AIG1: variants seen among roughly 807,000 people sequenced by gnomAD.
AIG1 encodes androgen-induced gene 1 protein.
In AIG1, 23 loss-of-function variants were observed where a neutral mutation model predicts 31.4. That is an observed-to-expected ratio of 0.73 (90% CI 0.53 to 1.04). The LOEUF (loss-of-function observed/expected upper bound fraction) is 1.04. Ranked by LOEUF, AIG1 falls within the 50% of genes least tolerant of loss-of-function variation. The pLI is 0.00. For synonymous variants in AIG1, 100 were observed against 110.5 expected (o/e 0.90, Z 0.60); for missense variants, 274 against 295.0 (o/e 0.93, Z 0.52).
In AIG1 at chr6:143,326,205, G is replaced by A. The variant is rs751342708; in HGVS notation, c.516-7077G>A. On this transcript the variant is annotated intron_variant, in intron 4 of 5. Coordinates refer to ENST00000357847, the MANE Select transcript of AIG1 (RefSeq NM_016108.4). This position sits in a 1 kb window ranked among gnomAD's most constrained non-coding sequence, Gnocchi z 4.5. ...AGACTTTATATTTGCACACTAGGACGGAGTCTACAATTCTTACCATGGCTT... is the reference window on the plus strand; with the variant it reads ...AGACTTTATATTTGCACACTAGGACAGAGTCTACAATTCTTACCATGGCTT... 3.3e-5 allele frequency among the ~76,000 whole-genome samples: 5 copies of A among 152,092 alleles called. No homozygotes were observed. The highest frequency in any genetic ancestry group is 4.8e-5 in the African/African-American group (2 of 41,420).
Position 143,327,639 on chromosome 6 carries a change from A to G in AIG1, c.516-5643A>G, listed in dbSNP as rs1034726138. On this transcript the variant is annotated intron_variant, in intron 4 of 5. Transcript: ENST00000357847. The surrounding 1 kb of genome is among the most constrained non-coding windows in gnomAD (Gnocchi z 5.3). ...ACTTTCAAAAATCTGCAGATAGTCA[A>G]TGTGGATGAGAACTAACTGCTGATT... The G allele has an allele frequency of 2.2e-5, 6 of 273,602 alleles. No homozygotes were observed. The highest frequency in any genetic ancestry group is 4.3e-5 in the South Asian group (1 of 23,472). 16.9% of individuals were successfully genotyped at this position (273,602 alleles called of 1,614,324 possible).
intron 3 of AIG1, among the ~76,000 whole-genome samples, chr6:143,242,238 A>G (rs1794290884): frequency 6.6e-6 from 1 of 152,236 alleles, no homozygotes; most frequent in Non-Finnish European, 1.5e-5. Flanking sequence ...CACTGGCAAG[A>G]GAAAACAAAC....
At chr6:143,107,375 CAGATA>C (rs889148984) in intron 1 of AIG1, among the ~76,000 whole-genome samples, 4 of 152,126 alleles carry the variant, frequency 2.6e-5, no homozygotes, top group African/African-American at 9.7e-5. Flanking sequence ...TTTATTTAGA[CAGATA>C]AAAGTCTCCA....
intron 1 of AIG1, among the ~76,000 whole-genome samples, chr6:143,111,519 T>G (rs954962775): frequency 1.3e-5 from 2 of 152,210 alleles, no homozygotes; most frequent in African/African-American, 4.8e-5. Context: ...ACTCATTGCT[T>G]CTTCATTGTG....
At chr6:143,277,207 C>T (rs1366520654) in intron 3 of AIG1, among the ~76,000 whole-genome samples, 1 of 152,062 alleles carries the variant, frequency 6.6e-6, no homozygotes, top group African/African-American at 2.4e-5. Context: ...TTTTAATACC[C>T]TTTTGTTCTA....
intron 3 of AIG1, among the ~76,000 whole-genome samples, chr6:143,250,260 C>T (rs1419639119): frequency 6.6e-6 from 1 of 152,200 alleles, no homozygotes; most frequent in Non-Finnish European, 1.5e-5. Context: ...TATTCCACAC[C>T]TTTCTTCTGT....
intron 3 of AIG1, among the ~76,000 whole-genome samples, chr6:143,193,415 C>A (rs532285500): frequency 1.3e-4 from 20 of 152,250 alleles, no homozygotes; most frequent in African/African-American, 4.6e-4. Flanking sequence ...TGCAAGCTAC[C>A]TTGACCTTTT....
chr6:143,318,819 C>G (rs185690122), intron 4 of AIG1, among the ~76,000 whole-genome samples: 3 of 151,380 alleles, frequency 2.0e-5, no homozygotes, highest in African/African-American at 7.3e-5. Flanking sequence ...GGGCTAAGGA[C>G]ATAAATAGAC....
At chr6:143,061,201 G>A in intron 1 of AIG1, 135 bp downstream of exon 1, 4 of 1,096,050 alleles carry the variant, frequency 3.6e-6, no homozygotes, top group South Asian at 2.6e-5. Flanking sequence ...CCGTGTCCTC[G>A]CCTCTTCCCC....
chr6:143,306,300 G>T (rs978752276), intron 4 of AIG1, among the ~76,000 whole-genome samples: 1 of 152,122 alleles, frequency 6.6e-6, no homozygotes, highest in African/African-American at 2.4e-5. Flanking sequence ...CTCATTAGTT[G>T]ATGCAGTTTC....
At chr6:143,124,456 A>G (rs1303944126) in intron 1 of AIG1, among the ~76,000 whole-genome samples, 1 of 152,078 alleles carries the variant, frequency 6.6e-6, no homozygotes, top group African/African-American at 2.4e-5. Context: ...TCTCCTGCCC[A>G]CGGTGGACCG....
intron 2 of AIG1, among the ~76,000 whole-genome samples, chr6:143,137,205 T>C (rs1297917320): frequency 6.6e-6 from 1 of 152,216 alleles, no homozygotes; most frequent in Non-Finnish European, 1.5e-5. Context: ...ACAGGGTTCG[T>C]TTCTTCTGAG....
At chr6:143,112,178 C>G (rs1409370568) in intron 1 of AIG1, among the ~76,000 whole-genome samples, 1 of 152,154 alleles carries the variant, frequency 6.6e-6, no homozygotes, top group African/African-American at 2.4e-5. Context: ...GACCTGTTAT[C>G]CAGAGCCCCT....
At position 143,314,661 on chromosome 6, in the gene AIG1, G is replaced by T. The variant is rs78406895; in HGVS notation, c.516-18621G>T. Among the ~76,000 whole-genome samples, 469 of 152,238 alleles carry T rather than the reference G, an allele frequency of 3.1e-3. 3 individuals carry two copies. Among genetic ancestry groups the T allele is most frequent in the African/African-American group, 0.011 (454 of 41,552 alleles). ...TATAAAACTCTCACAAAAGAAAGTA[G>T]ATGTGAGTAAGTAGAACGATATTCT... On this transcript the variant is annotated intron_variant, in intron 4 of 5. Coordinates refer to ENST00000357847, the MANE Select transcript of AIG1 (RefSeq NM_016108.4).
intron 4 of AIG1, among the ~76,000 whole-genome samples, chr6:143,324,210 G>A (rs1375559205): frequency 1.3e-5 from 2 of 152,296 alleles, no homozygotes; most frequent in East Asian, 1.9e-4. Context: ...CTTCTCTGAA[G>A]GAAGTGTTTA....
intron 3 of AIG1, among the ~76,000 whole-genome samples, chr6:143,228,637 A>T (rs1290559655): frequency 6.6e-6 from 1 of 152,216 alleles, no homozygotes. Flanking sequence ...ATTTACTTGG[A>T]CAAACGAGAG....
chr6:143,339,910 A>C lies in AIG1; in HGVS notation c.*234A>C, dbSNP rs1777785351. On this transcript the variant is annotated 3_prime_UTR_variant, in exon 6 of 6. Transcript: ENST00000357847. ...ATTCTTCCCAAAGTCATTACTGATA[A>C]TAACATTTTTTCCTTTTCTAGTTTT... 1 of 360,950 alleles carries C rather than the reference A, an allele frequency of 2.8e-6. No homozygotes were observed. The allele number at this position is 360,950 out of a possible 1,614,324, so 22.4% of individuals were successfully genotyped here. A position where few individuals can be genotyped will look rare whatever the true frequency, so the allele number is the denominator to read the frequency against.
At chr6:143,302,703 A>G (rs1384578710) in intron 4 of AIG1, among the ~76,000 whole-genome samples, 1 of 152,202 alleles carries the variant, frequency 6.6e-6, no homozygotes, top group Non-Finnish European at 1.5e-5. Context: ...ATGTGTCTTT[A>G]TAGCAGCATG....
At chr6:143,173,791 G>T (rs1308412618) in intron 3 of AIG1, among the ~76,000 whole-genome samples, 1 of 152,178 alleles carries the variant, frequency 6.6e-6, no homozygotes, top group Non-Finnish European at 1.5e-5. Context: ...GTTGAGACTT[G>T]TTTTGTGGCC....
Sources: gnomAD v4.1 joint callset for allele counts (sites outside exome capture counted in the v4.1 genomes callset) on GRCh38, gnomAD v4.1.1 for gene constraint, Gnocchi (gnomAD v3.1) non-coding constraint, MANE v1.5 for transcripts, NCBI Gene and HGNC (gene_info 2026-07-23, HGNC 2026-07-21) for gene names.